PECAM1: variants seen among roughly 807,000 people sequenced by gnomAD.
PECAM1 encodes the protein platelet endothelial cell adhesion molecule.
PECAM1 carries 8 observed loss-of-function variants against 13.8 expected under a neutral mutation model. The observed-to-expected ratio is 0.58, with a 90% CI of 0.34 to 1.05. PECAM1 has a LOEUF of 1.05. PECAM1 is among the 50% of genes least tolerant of loss of function. PECAM1 has a pLI of 0.03. For synonymous variants in PECAM1, 136 were observed against 52.6 expected, an observed-to-expected ratio of 2.58 and a Z score of -6.86; for missense variants, 304 against 141.2, an observed-to-expected ratio of 2.15 and a Z score of -5.84.
rs2035104665 is a variant in PECAM1 at position 64,331,196 on chromosome 17, CT to C, written c.2165-1475del. Among the ~76,000 whole-genome samples the C allele has an allele frequency of 2.6e-5, 3 of 116,012 alleles. 1 individual carries two copies. The highest frequency in any genetic ancestry group is 6.5e-4 in the South Asian group (2 of 3,056). The allele number at this position is 116,012 out of a possible 152,430, so 76.1% of individuals were successfully genotyped here. The stretch of plus-strand genomic sequence containing the variant: ...TCAACTGTGTGGGAGCCCACACCAC[CT>C]TCTTTTTTTTTTTTTTTGAGACGGG... On this transcript the variant is annotated intron_variant, in intron 14 of 15. Transcript: ENST00000563924.
chr17:64,390,119 G>T, intron 2 of PECAM1: 1 of 235,888 alleles, frequency 4.2e-6, no homozygotes, highest in Non-Finnish European at 8.1e-6. Context: ...AAAAAGTAAT[G>T]GCAAAAACCA....
At chr17:64,354,896 A>C (rs2035813860) in intron 9 of PECAM1, 37 bp downstream of exon 9, 1 of 474,970 alleles carries the variant, frequency 2.1e-6, no homozygotes, top group African/African-American at 2.0e-5. Flanking sequence ...CCTGGCAAGG[A>C]CGACCAGTCA....
rs2035782307 is a variant in PECAM1 at position 64,353,629 on chromosome 17, C to T, written c.1889-111G>A. ...GCACTAACCTAATAGATAGAAAACA[C>T]TTTTCTTTTCTTTTTGTTTTACTCC... On this transcript the variant is annotated intron_variant, in intron 9 of 15. Coordinates refer to ENST00000563924, the MANE Select transcript of PECAM1 (RefSeq NM_000442.5). 9.8e-6 allele frequency: 4 copies of T among 410,146 alleles called. No homozygotes were observed. In the Admixed American group the frequency reaches 1.8e-4, roughly 18 times the overall value. 25.4% of individuals were successfully genotyped at this position (410,146 alleles called of 1,614,324 possible).
At chr17:64,360,076 A>T (rs2035938778) in intron 7 of PECAM1, 64 bp downstream of exon 7, 1 of 475,126 alleles carries the variant, frequency 2.1e-6, no homozygotes, top group Non-Finnish European at 3.9e-6. Flanking sequence ...TTGTTCCCAC[A>T]GTCCCTGGGC....
intron 13 of PECAM1, among the ~76,000 whole-genome samples, chr17:64,344,264 G>A (rs2035507710): frequency 1.3e-5 from 2 of 151,976 alleles, no homozygotes; most frequent in South Asian, 4.2e-4. Context: ...TGGGTGGGCA[G>A]GCAGAGTTGC....
chr17:64,373,488 T>G (rs1486540628), intron 4 of PECAM1, among the ~76,000 whole-genome samples: 2 of 151,828 alleles, frequency 1.3e-5, no homozygotes, highest in African/African-American at 2.4e-5. Flanking sequence ...AATAGTGTGA[T>G]AGGTCCCCAT....
intron 5 of PECAM1, among the ~76,000 whole-genome samples, chr17:64,364,814 A>C (rs2036065950): frequency 6.6e-6 from 1 of 151,986 alleles, no homozygotes; most frequent in Non-Finnish European, 1.5e-5. Context: ...TATTGATGGG[A>C]CGTATCTCAA....
At chr17:64,340,073 G>C (rs1313211314) in intron 14 of PECAM1, among the ~76,000 whole-genome samples, 1 of 152,112 alleles carries the variant, frequency 6.6e-6, no homozygotes, top group Non-Finnish European at 1.5e-5. Flanking sequence ...TAGGGGCCGG[G>C]GGGTGTTGCA....
chr17:64,375,234 G>C lies in PECAM1; in HGVS notation c.508C>G (p.Leu170Val). The C allele has an allele frequency of 2.1e-6, 1 of 475,284 alleles. No individual in the cohort carries two copies. The highest frequency in any genetic ancestry group is 3.9e-6 in the Non-Finnish European group (1 of 259,004). The allele number at this position is 475,284 out of a possible 1,614,324, so 29.4% of individuals were successfully genotyped here. ...PIHFTIEKLE[L>V]NEKMVKLKRE... ...TTCAGCTTGACCATTTTTTCATTTA[G>C]TTCAAGTTTTTCAATTGTGAAGTGT... is the stretch of plus-strand genomic sequence containing the variant. The change falls in exon 4 of 16, where the codon CTA becomes GTA. Residue 170 changes from leucine to valine, a missense_variant. Leu to Val is a conservative substitution (Grantham distance 32, BLOSUM62 1). Coordinates refer to ENST00000563924, the MANE Select transcript of PECAM1 (RefSeq NM_000442.5).
chr17:64,324,770 G>T (rs556054870), intron 15 of PECAM1, among the ~76,000 whole-genome samples: 1 of 152,168 alleles, frequency 6.6e-6, no homozygotes, highest in Non-Finnish European at 1.5e-5. Flanking sequence ...ATGAAATAAG[G>T]CAGACATGAA....
At chr17:64,324,941 A>G (rs1555645284) in intron 15 of PECAM1, among the ~76,000 whole-genome samples, 1 of 152,228 alleles carries the variant, frequency 6.6e-6, no homozygotes, top group African/African-American at 2.4e-5. Flanking sequence ...TGGAGTAGCC[A>G]TTCTTTTGTT....
At chr17:64,345,167 G>A in intron 13 of PECAM1, among the ~76,000 whole-genome samples, 1 of 152,094 alleles carries the variant, frequency 6.6e-6, no homozygotes, top group Admixed American at 6.6e-5. Flanking sequence ...CCCCACCTTT[G>A]AGCAAGAAAA....
Position 64,340,070 on chromosome 17 carries a change from C to CG in PECAM1, c.2164+1563dup, listed in dbSNP as rs1206078266. 1.2e-4 allele frequency among the ~76,000 whole-genome samples: 19 copies of CG among 152,010 alleles called. No individual in the cohort carries two copies. The South Asian group carries it at 3.3e-3, about 27-fold the overall frequency. On this transcript the variant is annotated intron_variant, in intron 14 of 15. Coordinates refer to ENST00000563924, the MANE Select transcript of PECAM1 (RefSeq NM_000442.5). ...GGAGGATTGCTTAAGCCTTAGGGGCCGGGGGGTGTTGCACGGAGTTGCAGT... is the reference window on the plus strand; with the variant it reads ...GGAGGATTGCTTAAGCCTTAGGGGCCGGGGGGGTGTTGCACGGAGTTGCAGT...
intron 5 of PECAM1, among the ~76,000 whole-genome samples, chr17:64,367,758 C>G (rs1012248228): frequency 6.4e-4 from 97 of 152,042 alleles, no homozygotes; most frequent in Non-Finnish European, 1.0e-3. Flanking sequence ...AGCTCTTTAT[C>G]CCCAGTAAGT....
At chr17:64,365,950 A>C (rs2036094225) in intron 5 of PECAM1, among the ~76,000 whole-genome samples, 1 of 151,816 alleles carries the variant, frequency 6.6e-6, no homozygotes, top group South Asian at 2.1e-4. Context: ...AAGCAATGGC[A>C]ACAAAAGCCA....
At chr17:64,329,581 T>C in intron 15 of PECAM1, 119 bp downstream of exon 15, 1 of 692,048 alleles carries the variant, frequency 1.4e-6, no homozygotes, top group Non-Finnish European at 2.7e-6. Context: ...GCTTCTGGTC[T>C]GAAACAGACT....
At chr17:64,365,655 C>A (rs1179151336) in intron 5 of PECAM1, among the ~76,000 whole-genome samples, 6 of 151,646 alleles carry the variant, frequency 4.0e-5, no homozygotes, top group Non-Finnish European at 8.9e-5. Flanking sequence ...ACAGAGCCCT[C>A]AGGAATAACG....
chr17:64,378,448 C>G (rs1178927370), intron 2 of PECAM1, among the ~76,000 whole-genome samples: 4 of 152,098 alleles, frequency 2.6e-5, no homozygotes, highest in Non-Finnish European at 5.9e-5. Context: ...TAGAGACTGG[C>G]CTGGCCAACA....
At chr17:64,352,953 A>G (rs1416274257) in intron 10 of PECAM1, among the ~76,000 whole-genome samples, 1 of 152,004 alleles carries the variant, frequency 6.6e-6, no homozygotes, top group African/African-American at 2.4e-5. Context: ...CTTGGCGGTG[A>G]TAAAACTTTT....
Sources: allele counts gnomAD v4.1 joint callset (sites outside exome capture counted in the v4.1 genomes callset), GRCh38; gene constraint gnomAD v4.1.1; transcripts MANE v1.5; gene names NCBI Gene and HGNC (gene_info 2026-07-23, HGNC 2026-07-21).